Variants in STK35 observed in about 807,000 individuals in gnomAD.
The protein encoded by STK35 is serine/threonine kinase 35, also known as serine/threonine-protein kinase 35.
Under a neutral mutation model 37.3 loss-of-function variants are expected in STK35, and 17 were observed. The observed-to-expected ratio is 0.46, with a 90% confidence interval of 0.31 to 0.68. The LOEUF (loss-of-function observed/expected upper bound fraction) is 0.68, where lower values mean the gene tolerates loss of function less well. Among genes scored for constraint, STK35 ranks in the 30% least tolerant of loss-of-function variants. The probability of loss-of-function intolerance (pLI) is 0.05; values close to 1 mark genes in which losing one functional copy is unlikely to be tolerated. For synonymous variants in STK35, 385 were observed against 319.1 expected (o/e 1.21, Z -2.20); for missense variants, 595 against 746.7 (o/e 0.80, Z 2.37).
intron 2 of STK35, among the ~76,000 whole-genome samples, chr20:2,105,957 T>A (rs1985507346): frequency 6.6e-6 from 1 of 152,200 alleles, no homozygotes; most frequent in Admixed American, 6.5e-5. Flanking sequence ...TTTCAGTTGT[T>A]TGGAGTCTTT....
chr20:2,109,434 G>A (rs866520676), intron 2 of STK35, among the ~76,000 whole-genome samples: 8 of 152,178 alleles, frequency 5.3e-5, no homozygotes, highest in Non-Finnish European at 8.8e-5. Context: ...CTAGCATTTC[G>A]TAGTATTTTC....
intron 3 of STK35, among the ~76,000 whole-genome samples, chr20:2,138,629 G>A (rs1371109236): frequency 6.6e-6 from 1 of 152,210 alleles, no homozygotes; most frequent in Non-Finnish European, 1.5e-5. Flanking sequence ...CATTTCCTAA[G>A]ATGGTGCAAT....
intron 3 of STK35, among the ~76,000 whole-genome samples, chr20:2,137,097 A>T (rs1316538349): frequency 6.6e-6 from 1 of 152,160 alleles, no homozygotes; most frequent in Non-Finnish European, 1.5e-5. Context: ...CTGGCAAGTG[A>T]CTGCAGTGAG....
In STK35 at chr20:2,143,904, G is replaced by T. The variant is rs755591963; in HGVS notation, c.*158G>T. 4 of 444,316 alleles carry T rather than the reference G, an allele frequency of 9.0e-6. No homozygotes were observed. The highest frequency in any genetic ancestry group is 6.4e-5 in the South Asian group (4 of 62,058). 27.5% of individuals were successfully genotyped at this position (444,316 alleles called of 1,614,324 possible). On this transcript the variant is annotated 3_prime_UTR_variant, in exon 4 of 4. Transcript: ENST00000381482. Reference sequence around the variant, plus strand: ...CTGGATCCGGCAATGTGAAGCTTTTGTTTGGGTTTCCCCGCTTCTTTTTAG... The same window carrying T: ...CTGGATCCGGCAATGTGAAGCTTTTTTTTGGGTTTCCCCGCTTCTTTTTAG...
intron 1 of STK35, among the ~76,000 whole-genome samples, chr20:2,102,476 G>A (rs571330089): frequency 1.3e-5 from 2 of 152,212 alleles, no homozygotes; most frequent in Non-Finnish European, 2.9e-5. Flanking sequence ...GTCTCTAAGC[G>A]GTTTTCAGAA....
Position 2,116,910 on chromosome 20 carries a change from G to C in STK35, c.1137G>C (p.Val379=). The C allele has an allele frequency of 6.2e-7, 1 of 1,614,166 alleles. No homozygotes were observed. Among genetic ancestry groups the C allele is most frequent in the Non-Finnish European group, 8.5e-7 (1 of 1,180,040 alleles). ...TERSGTPILK[V]ADFGLSKVCA... is the part of the protein sequence containing the mutation. ...GGTCTGGCACCCCCATCCTCAAAGT[G>C]GCCGACTTTGGACTAAGCAAGGTCT... The change falls in exon 3 of 4, where the codon GTG becomes GTC. Residue 379 remains valine, a synonymous_variant. Transcript: ENST00000381482.
chr20:2,116,527 C>T, intron 2 of STK35, 139 bp from the exon 3 acceptor site: 1 of 939,472 alleles, frequency 1.1e-6, no homozygotes, highest in East Asian at 2.5e-5. Context: ...TAGAAAGGCA[C>T]TCAGTGCCAG....
chr20:2,125,472 A>G (rs964136877), intron 3 of STK35, among the ~76,000 whole-genome samples: 19 of 152,234 alleles, frequency 1.2e-4, no homozygotes, highest in African/African-American at 4.6e-4. Context: ...GACGAGATGT[A>G]TCTGTCTGGA....
intron 3 of STK35, among the ~76,000 whole-genome samples, chr20:2,118,089 A>C (rs1985750896): frequency 2.0e-5 from 3 of 152,168 alleles, no homozygotes; most frequent in Admixed American, 2.0e-4. Flanking sequence ...CTACTCACAC[A>C]TCCGGTTCCA....
chr20:2,139,987 A>G (rs1286093923), intron 3 of STK35, among the ~76,000 whole-genome samples: 2 of 152,206 alleles, frequency 1.3e-5, no homozygotes, highest in African/African-American at 2.4e-5. Context: ...GAAGACTATC[A>G]TAGTGCAGAG....
Position 2,148,540 on chromosome 20 carries a change from T to C in STK35, c.*4794T>C, listed in dbSNP as rs1986313805. 6.6e-6 allele frequency: 1 copy of C among 152,626 alleles called. No homozygotes were observed. 9.5% of individuals were successfully genotyped at this position (152,626 alleles called of 1,614,324 possible). ...TTATTTGATGGGGTCAAAGAAGCCA[T>C]ATGTGATTTGAAAAAGAGTGTTTTG... On this transcript the variant is annotated 3_prime_UTR_variant, in exon 4 of 4. Transcript: ENST00000381482.
At chr20:2,104,356 A>G (rs1384579756) in intron 2 of STK35, among the ~76,000 whole-genome samples, 1 of 152,204 alleles carries the variant, frequency 6.6e-6, no homozygotes, top group Non-Finnish European at 1.5e-5. Flanking sequence ...TGCTGAAGTA[A>G]TTTTTAGGTA....
intron 3 of STK35, among the ~76,000 whole-genome samples, chr20:2,131,763 C>A (rs1022269749): frequency 4.6e-5 from 7 of 151,196 alleles, no homozygotes; most frequent in African/African-American, 1.7e-4. Flanking sequence ...GTCACCCAGG[C>A]TGGAGTGCAG....
intron 3 of STK35, among the ~76,000 whole-genome samples, chr20:2,140,043 T>C (rs1986148321): frequency 6.6e-6 from 1 of 152,210 alleles, no homozygotes; most frequent in Admixed American, 6.5e-5. Context: ...GTGCTGGTTC[T>C]ACTGCTCAGC....
chr20:2,102,315 G>T, intron 1 of STK35, 140 bp downstream of exon 1: 6 of 1,181,358 alleles, frequency 5.1e-6, no homozygotes, highest in Non-Finnish European at 6.7e-6. Flanking sequence ...CCTTCTACCC[G>T]TCGCCCTCGG....
At chr20:2,110,113 T>C (rs1001627454) in intron 2 of STK35, among the ~76,000 whole-genome samples, 2 of 152,262 alleles carry the variant, frequency 1.3e-5, no homozygotes, top group Non-Finnish European at 2.9e-5. Context: ...TGCATTTTCA[T>C]ATTTCTTTGG....
Position 2,103,149 on chromosome 20 carries a change from GC to G in STK35, c.679del (p.Arg227GlyfsTer48). 1 of 1,605,764 alleles carries G rather than the reference GC, an allele frequency of 6.2e-7. No homozygotes were observed. ...VYEAVAGRSGARVAVKKIRCD... is the reference protein window; with the variant it reads ...VYEAVAGRSGXRVAVKKIRCD... ...TGAGGCAGTGGCCGGGCGCAGCGGGGCCCGGGTGGCGGTCAAGAAGATCCGC... is the reference window on the plus strand; with the variant it reads ...TGAGGCAGTGGCCGGGCGCAGCGGGGCCGGGTGGCGGTCAAGAAGATCCGC... On this transcript the variant is annotated frameshift_variant, in exon 2 of 4. Coordinates refer to ENST00000381482, the MANE Select transcript of STK35 (RefSeq NM_080836.4). LOFTEE classifies it high-confidence loss of function.
In STK35 at chr20:2,102,027, C is replaced by T. The variant is rs1380017636; in HGVS notation, c.146C>T (p.Ala49Val). The change falls in exon 1 of 4, where the codon GCA becomes GTA. Residue 49 changes from alanine (A) to valine (V), a missense_variant. Physicochemically the swap from Ala to Val is moderately conservative, Grantham distance 64. Transcript: ENST00000381482. ...GAQASPASAA[A>V]AEGSATRRAR... is the part of the protein sequence containing the mutation. The stretch of plus-strand genomic sequence containing the variant: ...CAGGCTTCCCCAGCGAGCGCCGCGG[C>T]AGCAGAAGGATCCGCTACACGCCGG... 3 of 1,527,546 alleles carry T rather than the reference C, an allele frequency of 2.0e-6. No individual in the cohort carries two copies. The highest frequency in any genetic ancestry group is 3.9e-5 in the Admixed American group (2 of 50,640). 94.6% of individuals were successfully genotyped at this position (1,527,546 alleles called of 1,614,324 possible).
intron 2 of STK35, among the ~76,000 whole-genome samples, chr20:2,112,744 C>T (rs191014382): frequency 6.6e-6 from 1 of 152,272 alleles, no homozygotes; most frequent in Admixed American, 6.5e-5. Flanking sequence ...GCTAATTTAC[C>T]TCAAATCCTT....
Sources: allele counts gnomAD v4.1 joint callset (sites outside exome capture counted in the v4.1 genomes callset), GRCh38; gene constraint gnomAD v4.1.1; transcripts MANE v1.5; gene names NCBI Gene and HGNC (gene_info 2026-07-23, HGNC 2026-07-21).